TEX2: variants seen among roughly 807,000 people sequenced by gnomAD.
TEX2 encodes testis expressed 2.
TEX2 carries 53 observed loss-of-function variants against 106.9 expected under a neutral mutation model. The ratio of observed to expected loss-of-function variants is 0.50; its 90% CI spans 0.40 to 0.62. The LOEUF is 0.62. TEX2 is among the 20% of genes least tolerant of loss of function. TEX2 has a pLI of 0.00. For missense variants in TEX2, 1,207 were observed against 1,379.0 expected (o/e 0.88, Z 1.98); for synonymous variants, 523 against 534.8 (o/e 0.98, Z 0.30).
rs148076257 is a variant in TEX2, at chr17:64,153,206, A to G, written c.2931-52T>C. On this transcript the variant is annotated intron_variant, in intron 9 of 11. Transcript: ENST00000584379. The surrounding 1 kb of genome is among the most constrained non-coding windows in gnomAD (Gnocchi z 4.1). ...TTAGCACAAACTTTGCTCTTTTCAC[A>G]GACAAAAACCTGTGGCTCTTCGTTC... 3.8e-6 allele frequency: 5 copies of G among 1,317,724 alleles called. No individual in the cohort carries two copies. The East Asian group carries it at 1.1e-4, about 30-fold the overall frequency. 81.6% of individuals were successfully genotyped at this position (1,317,724 alleles called of 1,614,324 possible).
chr17:64,197,317 AG>A (rs2032506681), intron 2 of TEX2, among the ~76,000 whole-genome samples: 1 of 152,104 alleles, frequency 6.6e-6, no homozygotes. Flanking sequence ...TGGACTATTT[AG>A]GTTATCTATT....
In TEX2 at chr17:64,193,763, C is replaced by G. The variant is rs552910392; in HGVS notation, c.1972G>C (p.Glu658Gln). ...KAQTDKETSE[E>Q]KPPAEGSEDP... ...TCACTTCCCTCAGCTGGCGGCTTCTCTTCTGAAGTCTCCTTATCAGTCTGA... is the reference window on the plus strand; with the variant it reads ...TCACTTCCCTCAGCTGGCGGCTTCTGTTCTGAAGTCTCCTTATCAGTCTGA... The change falls in exon 4 of 12, where the codon GAG (glutamate) becomes CAG (glutamine). Residue 658 changes from glutamate to glutamine, a missense_variant. Physicochemically the swap from Glu to Gln is conservative, Grantham distance 29. Around this residue, in one of 3 missense-constraint regions of TEX2, gnomAD observed 1,067 missense variants for 1,193.6 expected, o/e 0.89. Coordinates refer to ENST00000584379, the MANE Select transcript of TEX2 (RefSeq NM_001288732.2). The G allele has an allele frequency of 6.2e-7, 1 of 1,613,900 alleles. No homozygotes were observed. Among genetic ancestry groups the G allele is most frequent in the South Asian group, 1.1e-5 (1 of 91,024 alleles).
chr17:64,177,331 T>C lies in TEX2; in HGVS notation c.2565A>G (p.Lys855=). 6.2e-7 allele frequency: 1 copy of C among 1,614,090 alleles called. No individual in the cohort carries two copies. The highest frequency in any genetic ancestry group is 8.5e-7 in the Non-Finnish European group (1 of 1,180,014). Residue 855 remains lysine, a synonymous_variant, in exon 6 of 12, where the codon AAA becomes AAG. Coordinates refer to ENST00000584379, the MANE Select transcript of TEX2 (RefSeq NM_001288732.2). ...CTTGTGTGGAAAGTGATACCTTTAT[T>C]TTGCTGAGTTTCATTTGGATCTTCT... ...VSKKIQMKLS[K]IKLPYFMNEL...
At chr17:64,150,682 G>A (rs2030307334) in intron 11 of TEX2, 159 bp downstream of exon 11, 2 of 735,152 alleles carry the variant, frequency 2.7e-6, no homozygotes, top group Middle Eastern at 4.2e-4. Context: ...TGTACCTGAA[G>A]TTTTATTCCC....
chr17:64,203,436 T>C (rs2032732813), intron 2 of TEX2, among the ~76,000 whole-genome samples: 1 of 152,204 alleles, frequency 6.6e-6, no homozygotes, highest in Non-Finnish European at 1.5e-5. Flanking sequence ...AGGTAATTAC[T>C]CTCTGTCTCC....
chr17:64,203,005 C>T (rs1359277595), intron 2 of TEX2, among the ~76,000 whole-genome samples: 4 of 152,138 alleles, frequency 2.6e-5, no homozygotes, highest in African/African-American at 9.7e-5. Context: ...AAGTACAAAA[C>T]CACAATCTAT....
At chr17:64,181,174 G>C (rs11649767) in intron 5 of TEX2, among the ~76,000 whole-genome samples, 82,668 of 151,998 alleles carry the variant, frequency 0.54, 24,477 homozygotes, top group East Asian at 0.83. Flanking sequence ...TAAGAATACA[G>C]AACTTTTAAA....
chr17:64,184,003 C>T (rs559250889), intron 5 of TEX2, among the ~76,000 whole-genome samples: 34 of 152,174 alleles, frequency 2.2e-4, no homozygotes, highest in Admixed American at 9.8e-4. Flanking sequence ...TTTTGATTCA[C>T]ATTTCCTTGA....
intron 4 of TEX2, among the ~76,000 whole-genome samples, chr17:64,192,893 C>A (rs1428020791): frequency 6.6e-6 from 1 of 152,198 alleles, no homozygotes; most frequent in Non-Finnish European, 1.5e-5. Flanking sequence ...AGAAAGCTTT[C>A]CCTAATAACA....
chr17:64,229,484 T>A (rs2033603139), intron 1 of TEX2, among the ~76,000 whole-genome samples: 1 of 152,104 alleles, frequency 6.6e-6, no homozygotes, highest in South Asian at 2.1e-4. Flanking sequence ...CTGACTTGCC[T>A]TTTAATTGTA....
intron 1 of TEX2, among the ~76,000 whole-genome samples, chr17:64,219,870 A>C (rs1209387161): frequency 6.6e-6 from 1 of 152,252 alleles, no homozygotes. Context: ...TCCACATCCT[A>C]GTCCCTAAAA....
chr17:64,213,830 C>A lies in TEX2; in HGVS notation c.388G>T (p.Val130Leu). 1 of 1,614,224 alleles carries A rather than the reference C, an allele frequency of 6.2e-7. No individual in the cohort carries two copies. The highest frequency in any genetic ancestry group is 8.5e-7 in the Non-Finnish European group (1 of 1,180,040). Reference sequence around the variant, plus strand: ...GACCCTGGGGACACAGCCAATGGCACTGTACTTAATACTTGTGCTGCTGGA... The same window carrying A: ...GACCCTGGGGACACAGCCAATGGCAATGTACTTAATACTTGTGCTGCTGGA... Reference protein sequence around the residue: ...PVPAAQVLSTVPLAVSPGSSS... With the variant: ...PVPAAQVLSTLPLAVSPGSSS... Residue 130 changes from valine (V) to leucine (L), a missense_variant, in exon 2 of 12, where the codon GTG becomes TTG. By Grantham distance (32) the Val-to-Leu change is conservative (BLOSUM62 1). Transcript: ENST00000584379. This position sits in a 1 kb window ranked among gnomAD's most constrained non-coding sequence, Gnocchi z 4.4.
rs369050753 is a variant in TEX2, at chr17:64,193,652, G to T, written c.2083C>A (p.Arg695=). ...QILYLFGRTG[R]EKEEWFRRFI... The stretch of plus-strand genomic sequence containing the variant: ...CTCCTAAACCATTCCTCTTTTTCTC[G>T]GCCAGTTCTCCCAAAGAGATAGAGT... The change falls in exon 4 of 12, where the codon CGA becomes AGA. Residue 695 remains arginine (R), a synonymous_variant. Transcript: ENST00000584379. The T allele has an allele frequency of 4.5e-4, 709 of 1,558,488 alleles. 3 individuals carry two copies. The highest frequency in any genetic ancestry group is 2.5e-3 in the South Asian group (212 of 83,646).
chr17:64,159,672 G>A (rs2030795123), intron 8 of TEX2, among the ~76,000 whole-genome samples: 1 of 152,136 alleles, frequency 6.6e-6, no homozygotes, highest in African/African-American at 2.4e-5. Context: ...AATGCTATGT[G>A]GAGAGTTGAT....
chr17:64,180,145 C>T (rs1272172049), intron 5 of TEX2, among the ~76,000 whole-genome samples: 1 of 152,184 alleles, frequency 6.6e-6, no homozygotes, highest in Non-Finnish European at 1.5e-5. Context: ...GACCACCTGG[C>T]CCCTCAGACA....
chr17:64,238,263 C>T (rs1212382168), intron 1 of TEX2, among the ~76,000 whole-genome samples: 1 of 152,180 alleles, frequency 6.6e-6, no homozygotes, highest in African/African-American at 2.4e-5. Flanking sequence ...TGTGCCATTG[C>T]ACTCCAGCCT....
chr17:64,188,378 G>C lies in TEX2; in HGVS notation c.2214C>G (p.Ser738=). The change falls in exon 5 of 12, where the codon TCC becomes TCG. Residue 738 remains serine (S), a synonymous_variant. Transcript: ENST00000584379. ...TGCTGCGGCTGTGGGTCAGGTGCCC[G>C]GACGGACTGTTGTGTCTGCTGTGTG... ...LPAHSRHNSP[S]GHLTHSRSSS... 6.2e-7 allele frequency: 1 copy of C among 1,614,212 alleles called. No individual in the cohort carries two copies.
rs782214935 is a variant in TEX2 at position 64,213,597 on chromosome 17, G to A, written c.621C>T (p.Pro207=). 36 of 1,614,086 alleles carry A rather than the reference G, an allele frequency of 2.2e-5. No homozygotes were observed. Among genetic ancestry groups the A allele is most frequent in the African/African-American group, 6.7e-5 (5 of 75,018 alleles). ...TEVEPKESPH[P]ARHRHLMKTL... is the part of the protein sequence containing the mutation. ...TCTTCATCAAGTGCCTGTGCCTTGC[G>A]GGGTGTGGGGATTCTTTTGGCTCCA... Residue 207 remains proline, a synonymous_variant, in exon 2 of 12, where the codon CCC becomes CCT. Coordinates refer to ENST00000584379, the MANE Select transcript of TEX2 (RefSeq NM_001288732.2). The surrounding 1 kb of genome is among the most constrained non-coding windows in gnomAD (Gnocchi z 4.4).
Position 64,152,997 on chromosome 17 carries a change from A to G in TEX2, c.3088T>C (p.Cys1030Arg). 1.2e-6 allele frequency: 2 copies of G among 1,614,100 alleles called. No homozygotes were observed. The highest frequency in any genetic ancestry group is 1.7e-6 in the Non-Finnish European group (2 of 1,180,030). The change falls in exon 10 of 12, where the codon TGT (cysteine) becomes CGT (arginine). Residue 1030 changes from cysteine to arginine, a missense_variant. Transcript: ENST00000584379. ...ATGTTGACCGCCAAGGTTCCTCTAC[A>G]TTCTTGTACTTCAACAGTGAGCAGC... ...PLLLTVEVQE[C>R]RGTLAVNIPP...
Sources: allele counts gnomAD v4.1 joint callset (sites outside exome capture counted in the v4.1 genomes callset), GRCh38; gene constraint gnomAD v4.1.1; regional missense constraint gnomAD v4.1.1; non-coding constraint Gnocchi (gnomAD v3.1); transcripts MANE v1.5; gene names NCBI Gene and HGNC (gene_info 2026-07-23, HGNC 2026-07-21).